KRT74: variants seen among roughly 807,000 people sequenced by gnomAD.
KRT74 encodes keratin 74.
KRT74 carries 43 observed loss-of-function variants against 42.7 expected under a neutral mutation model. That is an observed-to-expected ratio of 1.01 (90% CI 0.79 to 1.30). The LOEUF is 1.30. Among genes scored for constraint, KRT74 ranks in the 50% most tolerant of loss-of-function variants. KRT74 has a pLI of 0.00. For synonymous variants in KRT74, 302 were observed against 279.0 expected, an observed-to-expected ratio of 1.08 and a Z score of -0.82; for missense variants, 736 against 689.1, an observed-to-expected ratio of 1.07 and a Z score of -0.76.
intron 1 of KRT74, among the ~76,000 whole-genome samples, chr12:52,573,014 T>C (rs1410494120): frequency 6.6e-6 from 1 of 152,242 alleles, no homozygotes; most frequent in Non-Finnish European, 1.5e-5. Context: ...TAGCCTTTCA[T>C]GTTCTTGGAA....
In KRT74 at chr12:52,572,438, G is replaced by T. The variant is rs1211188655; in HGVS notation, c.686+15C>A. The T allele has an allele frequency of 3.1e-6, 5 of 1,613,592 alleles. No homozygotes were observed. In the South Asian group the frequency reaches 4.4e-5, roughly 14 times the overall value. ...GGGAAACATGGTCTGTGACCCTCGG[G>T]TGGAGCCTGCTCACCTCTTCTTATA... On this transcript the variant is annotated intron_variant, in intron 2 of 8. Coordinates refer to ENST00000305620, the MANE Select transcript of KRT74 (RefSeq NM_175053.4).
Position 52,569,385 on chromosome 12 carries a change from C to G in KRT74, c.1134+474G>C. On this transcript the variant is annotated intron_variant, in intron 6 of 8. Coordinates refer to ENST00000305620, the MANE Select transcript of KRT74 (RefSeq NM_175053.4). ...CCATGCCCCACTCCGAGAGCAGGAA[C>G]CTGGTGTGGCCAACAGAGGCGCCTG... 3 of 464,678 alleles carry G rather than the reference C, an allele frequency of 6.5e-6. No homozygotes were observed. The South Asian group carries it at 1.4e-4, about 22-fold the overall frequency. 28.8% of individuals were successfully genotyped at this position (464,678 alleles called of 1,614,324 possible). A position where few individuals can be genotyped will look rare whatever the true frequency, so the allele number is the denominator to read the frequency against.
rs1289719015 is a variant in KRT74 at position 52,571,714 on chromosome 12, G to A, written c.747+230C>T. Among the ~76,000 whole-genome samples the A allele has an allele frequency of 3.9e-5, 6 of 152,186 alleles. 1 individual carries two copies. In the South Asian group the frequency reaches 6.2e-4, roughly 16 times the overall value. Reference sequence around the variant, plus strand: ...CACACAGCAAGGTTGAGCTGGACCCGAGTTTCACAGTTCCCAGACCAGAAT... The same window carrying A: ...CACACAGCAAGGTTGAGCTGGACCCAAGTTTCACAGTTCCCAGACCAGAAT... On this transcript the variant is annotated intron_variant, in intron 3 of 8. Transcript: ENST00000305620.
chr12:52,571,421 G>T lies in KRT74; in HGVS notation c.781C>A (p.Leu261Ile). 2 of 1,613,938 alleles carry T rather than the reference G, an allele frequency of 1.2e-6. No homozygotes were observed. The highest frequency in any genetic ancestry group is 1.1e-5 in the South Asian group (1 of 91,074). Residue 261 changes from leucine (L) to isoleucine (I), a missense_variant, in exon 4 of 9, where the codon CTT becomes ATT. Coordinates refer to ENST00000305620, the MANE Select transcript of KRT74 (RefSeq NM_175053.4). ...ADAAYAVKVE[L>I]QAKVDSLDKE... is the part of the protein sequence containing the mutation. ...TCCAGTGAGTCCACTTTGGCCTGAA[G>T]CTCCACCTTGACTGCGTAGGCTGCA...
Position 52,572,453 on chromosome 12 carries a change from C to T in KRT74, c.686G>A (p.Arg229Lys), listed in dbSNP as rs770919973. The change falls in exon 2 of 9, where the codon AGA becomes AAA. Residue 229 changes from arginine to lysine, a missense_variant and splice_region_variant. Physicochemically the swap from Arg to Lys is conservative, Grantham distance 26. Transcript: ENST00000305620. The stretch of plus-strand genomic sequence containing the variant: ...TGACCCTCGGGTGGAGCCTGCTCAC[C>T]TCTTCTTATAGTCCTCCACCAGATC... ...MRDLVEDYKK[R>K]YEVEINRRTT... 3 of 1,613,952 alleles carry T rather than the reference C, an allele frequency of 1.9e-6. No homozygotes were observed. The highest frequency in any genetic ancestry group is 2.2e-5 in the East Asian group (1 of 44,876).
At chr12:52,568,071 T>C in intron 7 of KRT74, 98 bp downstream of exon 7, 2 of 1,369,684 alleles carry the variant, frequency 1.5e-6, no homozygotes, top group Non-Finnish European at 2.1e-6. Context: ...ATCTCTTGCT[T>C]GTATTGGCAC....
At position 52,570,713 on chromosome 12, in the gene KRT74, C is replaced by T. The variant is rs148647777; in HGVS notation, c.964G>A (p.Ala322Thr). ...AEVRMHYEEIALKSKAEAEAL... is the reference protein window; with the variant it reads ...AEVRMHYEEITLKSKAEAEAL... ...TCGGCCTCGGCCTTGCTCTTCAGGG[C>T]GATCTCCTCATAATGCATGCGGACC... Residue 322 changes from alanine to threonine, a missense_variant, in exon 5 of 9, where the codon GCC becomes ACC. Ala to Thr is a moderately conservative substitution (Grantham distance 58, BLOSUM62 0). Transcript: ENST00000305620. 2.2e-5 allele frequency: 36 copies of T among 1,614,230 alleles called. No individual in the cohort carries two copies. The highest frequency in any genetic ancestry group is 2.0e-4 in the East Asian group (9 of 44,874).
chr12:52,569,750 C>A, intron 6 of KRT74, 109 bp downstream of exon 6: 2 of 1,421,110 alleles, frequency 1.4e-6, no homozygotes. Context: ...GGCCGAGGGA[C>A]CCCTAAGCCC....
chr12:52,567,953 G>C (rs544858661), intron 7 of KRT74, among the ~76,000 whole-genome samples: 2 of 151,878 alleles, frequency 1.3e-5, no homozygotes, highest in Admixed American at 6.6e-5. Flanking sequence ...CCCCAGGTCT[G>C]TCTGAGCCCC....
In KRT74 at chr12:52,572,635, T is replaced by G; in HGVS notation, c.504A>C (p.Leu168=). 1 of 1,614,226 alleles carries G rather than the reference T, an allele frequency of 6.2e-7. No individual in the cohort carries two copies. Among genetic ancestry groups the G allele is most frequent in the Non-Finnish European group, 8.5e-7 (1 of 1,180,026 alleles). The change falls in exon 2 of 9, where the codon CTA becomes CTC. Residue 168 remains leucine (L), a synonymous_variant. Transcript: ENST00000305620. ...VRFLEQQNQV[L]ETKWELLQQL... Reference sequence around the variant, plus strand: ...GCTGCAGCAGCTCCCACTTGGTTTCTAGAACCTGGTTCTGCTGCTCTAGGA... The same window carrying G: ...GCTGCAGCAGCTCCCACTTGGTTTCGAGAACCTGGTTCTGCTGCTCTAGGA...
Position 52,569,905 on chromosome 12 carries a change from C to G in KRT74, c.1088G>C (p.Arg363Pro). Reference sequence around the variant, plus strand: ...CTCACACCGGATCCTCTGGATGAGCCGGTTCAGCTCCACCATCTCGCTCCT... The same window carrying G: ...CTCACACCGGATCCTCTGGATGAGCGGGTTCAGCTCCACCATCTCGCTCCT... ...HTRSEMVELN[R>P]LIQRIRCEIG... The change falls in exon 6 of 9, where the codon CGG (arginine) becomes CCG (proline). Residue 363 changes from arginine to proline, a missense_variant. Physicochemically the swap from Arg to Pro is moderately radical, Grantham distance 103 (BLOSUM62 -2). Coordinates refer to ENST00000305620, the MANE Select transcript of KRT74 (RefSeq NM_175053.4). The G allele has an allele frequency of 1.9e-6, 3 of 1,614,188 alleles. No homozygotes were observed. Among genetic ancestry groups the G allele is most frequent in the Non-Finnish European group, 2.5e-6 (3 of 1,180,038 alleles).
chr12:52,571,929 T>G lies in KRT74; in HGVS notation c.747+15A>C. 6.7e-7 allele frequency: 1 copy of G among 1,498,244 alleles called. No homozygotes were observed. The highest frequency in any genetic ancestry group is 9.3e-7 in the Non-Finnish European group (1 of 1,074,976). The allele number at this position is 1,498,244 out of a possible 1,614,324, so 92.8% of individuals were successfully genotyped here. ...GTGCGAGAGACCCTAATAAGGAGGC[T>G]CCTCCCTCTCTTACCTTCTTAAGCA... On this transcript the variant is annotated intron_variant, in intron 3 of 8. Transcript: ENST00000305620.
Position 52,573,591 on chromosome 12 carries a change from C to T in KRT74, c.187G>A (p.Val63Met), listed in dbSNP as rs757031923. The T allele has an allele frequency of 3.7e-6, 6 of 1,614,196 alleles. No individual in the cohort carries two copies. In the East Asian group the frequency reaches 1.3e-4, roughly 36 times the overall value. Residue 63 changes from valine to methionine, a missense_variant, in exon 1 of 9, where the codon GTG (valine) becomes ATG (methionine). Physicochemically the swap from Val to Met is conservative, Grantham distance 21 (BLOSUM62 1). Transcript: ENST00000305620. ...LGGNRRISFNVAGGGVRAGGY... is the reference protein window; with the variant it reads ...LGGNRRISFNMAGGGVRAGGY... ...CCAGCCCGAACGCCGCCACCAGCCA[C>T]ATTGAAAGAAATACGCCGATTCCCT...
At position 52,566,295 on chromosome 12, in the gene KRT74, A is replaced by G. The variant is rs3088010; in HGVS notation, c.*674T>C. The G allele has an allele frequency of 0.3, 46,119 of 151,682 alleles. 7,714 individuals are homozygous for G. The highest frequency in any genetic ancestry group is 0.45 in the African/African-American group (18,421 of 41,314). 9.4% of individuals were successfully genotyped at this position (151,682 alleles called of 1,614,324 possible). A position where few individuals can be genotyped will look rare whatever the true frequency, so the allele number is the denominator to read the frequency against. ...GGAATGGATGAGAACAGGAGGCAATATGTGTAGGGTGTCTGGCATCTAGTA... is the reference window on the plus strand; with the variant it reads ...GGAATGGATGAGAACAGGAGGCAATGTGTGTAGGGTGTCTGGCATCTAGTA... On this transcript the variant is annotated 3_prime_UTR_variant, in exon 9 of 9. Transcript: ENST00000305620.
rs1395329701 is a variant in KRT74 at position 52,569,962 on chromosome 12, G to A, written c.1031C>T (p.Ala344Val). 6.2e-7 allele frequency: 1 copy of A among 1,614,086 alleles called. No homozygotes were observed. Among genetic ancestry groups the A allele is most frequent in the Admixed American group, 1.7e-5 (1 of 60,012 alleles). Residue 344 changes from alanine to valine, a missense_variant, in exon 6 of 9, where the codon GCC becomes GTC. Transcript: ENST00000305620. The stretch of plus-strand genomic sequence containing the variant: ...TTTCAGGTCGTCACCATGCCGACTG[G>A]CTGCCAGCTGCAGCTCCTGGATCTG... ...QTKIQELQLA[A>V]SRHGDDLKHT...
chr12:52,571,492 C>T (rs1939481461), intron 3 of KRT74, 38 bp from the exon 4 acceptor site: 1 of 1,446,082 alleles, frequency 6.9e-7, no homozygotes, highest in Non-Finnish European at 9.7e-7. Flanking sequence ...GGATGCAACC[C>T]TCATCCCACA....
In KRT74 at chr12:52,573,541, A is replaced by G; in HGVS notation, c.237T>C (p.Ser79=). ...CACTGGCCCGGCCCCCTCCATACCC[A>G]GAGCCAGGCCTGAAGCCGTAACCTC... ...RAGGYGFRPG[S]GYGGGRASGF... Residue 79 remains serine (S), a synonymous_variant, in exon 1 of 9, where the codon TCT becomes TCC. Transcript: ENST00000305620. 1 of 1,614,096 alleles carries G rather than the reference A, an allele frequency of 6.2e-7. No homozygotes were observed. The highest frequency in any genetic ancestry group is 8.5e-7 in the Non-Finnish European group (1 of 1,180,022).
intron 5 of KRT74, 123 bp downstream of exon 5, chr12:52,570,546 G>A: frequency 9.6e-7 from 1 of 1,039,764 alleles, no homozygotes; most frequent in Non-Finnish European, 1.4e-6. Context: ...TTTCCTTGAA[G>A]CCTTGGTTGG....
Position 52,567,654 on chromosome 12 carries a change from C to A in KRT74, c.1390+5G>T. On this transcript the variant is annotated splice_donor_5th_base_variant and intron_variant, in intron 8 of 8. Coordinates refer to ENST00000305620, the MANE Select transcript of KRT74 (RefSeq NM_175053.4). ...CAACCCAAGGCATCTCTCAAGAATACTCACAGATGCTCACAGAGGATGGAT... is the reference window on the plus strand; with the variant it reads ...CAACCCAAGGCATCTCTCAAGAATAATCACAGATGCTCACAGAGGATGGAT... 7 of 1,608,366 alleles carry A rather than the reference C, an allele frequency of 4.4e-6. No individual in the cohort carries two copies. The highest frequency in any genetic ancestry group is 1.3e-5 in the African/African-American group (1 of 74,848).
Sources: allele counts gnomAD v4.1 joint callset (sites outside exome capture counted in the v4.1 genomes callset), GRCh38; gene constraint gnomAD v4.1.1; transcripts MANE v1.5; gene names NCBI Gene and HGNC (gene_info 2026-07-23, HGNC 2026-07-21).